KLKB1: variants seen among roughly 807,000 people sequenced by gnomAD.
The protein encoded by KLKB1 is plasma kallikrein.
KLKB1 carries 58 observed loss-of-function variants against 73.6 expected under a neutral mutation model. The observed-to-expected ratio is 0.79, with a 90% CI of 0.64 to 0.98. KLKB1 has a LOEUF of 0.98. Ranked by LOEUF, KLKB1 falls within the 50% of genes least tolerant of loss-of-function variation. The pLI, the probability that KLKB1 is intolerant of heterozygous loss-of-function variation, is 0.00. For synonymous variants in KLKB1, 280 were observed against 258.1 expected, an observed-to-expected ratio of 1.08 and a Z score of -0.81; for missense variants, 737 against 763.8, an observed-to-expected ratio of 0.96 and a Z score of 0.41.
intron 2 of KLKB1, among the ~76,000 whole-genome samples, chr4:186,218,257 G>T (rs1166825165): frequency 6.6e-6 from 1 of 152,148 alleles, no homozygotes; most frequent in East Asian, 1.9e-4. Context: ...CTTTGGTAGG[G>T]TGTAGGAAGG....
At chr4:186,255,810 T>C (rs973822512) in intron 12 of KLKB1, among the ~76,000 whole-genome samples, 182 bp from the exon 13 acceptor site, 1 of 152,336 alleles carries the variant, frequency 6.6e-6, no homozygotes, top group South Asian at 2.1e-4. Context: ...AAAAATGTCA[T>C]GTGAAAAATG....
upstream of KLKB1, among the ~76,000 whole-genome samples, chr4:186,222,099 T>C (rs1314274615): frequency 1.1e-4 from 16 of 152,218 alleles, no homozygotes; most frequent in Non-Finnish European, 1.5e-5. Context: ...CGTTTGGTTA[T>C]CATGTGAATG....
chr4:186,237,075 T>C, intron 5 of KLKB1, 135 bp downstream of exon 5: 3 of 724,146 alleles, frequency 4.1e-6, no homozygotes, highest in Non-Finnish European at 4.5e-6. Context: ...ATTTACTTAC[T>C]CTATTTTATT....
chr4:186,237,622 T>C (rs1737765053), intron 5 of KLKB1, among the ~76,000 whole-genome samples: 2 of 152,336 alleles, frequency 1.3e-5, no homozygotes, highest in Middle Eastern at 3.4e-3. Context: ...ATAGAGCTAA[T>C]CACAATTTGA....
chr4:186,216,043 G>A (rs1210196731), intron 2 of KLKB1, among the ~76,000 whole-genome samples: 1 of 152,162 alleles, frequency 6.6e-6, no homozygotes, highest in Non-Finnish European at 1.5e-5. Context: ...TCCCAGCAAA[G>A]GGCATTCAGC....
chr4:186,212,492 A>G lies in KLKB1; in HGVS notation c.201+3220A>G, dbSNP rs886059293. On this transcript the variant is annotated intron_variant, in intron 2 of 14. Coordinates refer to the KLKB1 transcript ENST00000511608. The stretch of plus-strand genomic sequence containing the variant: ...TTTTTAAAACTTCATTTAATAGTTT[A>G]AACAAGATTGGTTTTGTTTTCAATT... 5 of 152,342 alleles carry G rather than the reference A, an allele frequency of 3.3e-5. No homozygotes were observed. In the East Asian group the frequency reaches 9.6e-4, roughly 29 times the overall value. 9.4% of individuals were successfully genotyped at this position (152,342 alleles called of 1,614,324 possible). A position where few individuals can be genotyped will look rare whatever the true frequency, so the allele number is the denominator to read the frequency against.
At chr4:186,245,213 T>C (rs941080267) in intron 6 of KLKB1, among the ~76,000 whole-genome samples, 4 of 152,150 alleles carry the variant, frequency 2.6e-5, no homozygotes, top group South Asian at 4.1e-4. Context: ...ACAACAGTTA[T>C]GGAGGCAAGG....
In KLKB1 at chr4:186,250,331, C is replaced by A; in HGVS notation, c.687C>A (p.Thr229=). 6.2e-7 allele frequency: 1 copy of A among 1,614,052 alleles called. No homozygotes were observed. The highest frequency in any genetic ancestry group is 8.5e-7 in the Non-Finnish European group (1 of 1,179,938). The part of the protein sequence containing the change: ...VLTPDAFVCR[T]ICTYHPNCLF... Reference sequence around the variant, plus strand: ...CTCCAGATGCTTTTGTGTGTCGGACCATCTGCACCTATCACCCCAACTGCC... The same window carrying A: ...CTCCAGATGCTTTTGTGTGTCGGACAATCTGCACCTATCACCCCAACTGCC... Residue 229 remains threonine, a synonymous_variant, in exon 7 of 15, where the codon ACC becomes ACA. Transcript: ENST00000264690.
intron 2 of KLKB1, among the ~76,000 whole-genome samples, chr4:186,217,594 C>T (rs1012211378): frequency 2.0e-5 from 3 of 152,118 alleles, no homozygotes; most frequent in Non-Finnish European, 4.4e-5. Flanking sequence ...AGATGATATA[C>T]TGTAATTTCA....
At position 186,238,505 on chromosome 4, in the gene KLKB1, G is replaced by A. The variant is rs145589277; in HGVS notation, c.598+140G>A. On this transcript the variant is annotated intron_variant, in intron 6 of 14. Coordinates refer to ENST00000264690, the MANE Select transcript of KLKB1 (RefSeq NM_000892.5). ...GTTTCTGTCAATGGCATGCAGTTACGGGCTTCGAGATGGGGAGTTTACTCT... is the reference window on the plus strand; with the variant it reads ...GTTTCTGTCAATGGCATGCAGTTACAGGCTTCGAGATGGGGAGTTTACTCT... 3.9e-4 allele frequency: 277 copies of A among 704,040 alleles called. 5 individuals are homozygous for A. Among genetic ancestry groups the A allele is most frequent in the South Asian group, 3.7e-3 (245 of 66,562 alleles). 43.6% of individuals were successfully genotyped at this position (704,040 alleles called of 1,614,324 possible).
At chr4:186,219,737 G>GAATGTACCTGCT (rs1167931139) in intron 2 of KLKB1, among the ~76,000 whole-genome samples, 2 of 152,232 alleles carry the variant, frequency 1.3e-5, no homozygotes, top group Non-Finnish European at 2.9e-5. Flanking sequence ...TTTACCTGGT[G>GAATGTACCTGCT]GAGTGACCCA....
At chr4:186,224,050 G>T (rs1451207767), upstream of KLKB1, among the ~76,000 whole-genome samples, 1 of 152,244 alleles carries the variant, frequency 6.6e-6, no homozygotes, top group African/African-American at 2.4e-5. Context: ...CGCTTCAAGG[G>T]TGCAAGCCCC....
At position 186,251,657 on chromosome 4, in the gene KLKB1, A is replaced by G. The variant is rs1027607922; in HGVS notation, c.1031+8A>G. ...AGACTGTAAGGAAGAGAAGTAAAGG[A>G]AATTTTATTTTTCAAAGACAGTTGA... On this transcript the variant is annotated splice_region_variant and intron_variant, in intron 9 of 14. Transcript: ENST00000264690. 1.9e-6 allele frequency: 3 copies of G among 1,613,610 alleles called. No individual in the cohort carries two copies. The highest frequency in any genetic ancestry group is 1.7e-6 in the Non-Finnish European group (2 of 1,179,614).
At chr4:186,252,491 C>G (rs1738737535) in intron 11 of KLKB1, among the ~76,000 whole-genome samples, 1 of 150,524 alleles carries the variant, frequency 6.6e-6, no homozygotes, top group Non-Finnish European at 1.5e-5. Flanking sequence ...CACCACCAAT[C>G]CTGCCACCCA....
chr4:186,226,440 G>T (rs915675019), upstream of KLKB1: 1 of 152,356 alleles, frequency 6.6e-6, no homozygotes, highest in Non-Finnish European at 1.5e-5. Flanking sequence ...GAGATTGTTG[G>T]TGGGCTGTCT....
intron 2 of KLKB1, among the ~76,000 whole-genome samples, chr4:186,218,570 A>G (rs1172541210): frequency 6.6e-6 from 1 of 152,136 alleles, no homozygotes; most frequent in African/African-American, 2.4e-5. Context: ...TTTGATATAC[A>G]TGTACATTGT....
intron 6 of KLKB1, among the ~76,000 whole-genome samples, chr4:186,244,465 G>T (rs1308246452): frequency 6.6e-6 from 1 of 152,198 alleles, no homozygotes; most frequent in African/African-American, 2.4e-5. Flanking sequence ...AGTAATGGGG[G>T]CTGTCCTCGA....
At chr4:186,239,658 A>G (rs1394837580) in intron 6 of KLKB1, among the ~76,000 whole-genome samples, 2 of 138,838 alleles carry the variant, frequency 1.4e-5, no homozygotes, top group Non-Finnish European at 3.2e-5. Flanking sequence ...GTGATATAGG[A>G]CAGTGATACT....
intron 2 of KLKB1, chr4:186,212,797 CAG>C (rs1736769806): frequency 6.6e-6 from 1 of 152,224 alleles, no homozygotes; most frequent in Non-Finnish European, 1.5e-5. Flanking sequence ...CCATTTAAGA[CAG>C]GGGCGGTCTC....
Sources: allele counts gnomAD v4.1 joint callset (sites outside exome capture counted in the v4.1 genomes callset), GRCh38; gene constraint gnomAD v4.1.1; transcripts MANE v1.5; gene names NCBI Gene and HGNC (gene_info 2026-07-23, HGNC 2026-07-21).